SLC25A40: variants seen among roughly 807,000 people sequenced by gnomAD.
The protein encoded by SLC25A40 is solute carrier family 25 member 40.
Under a neutral mutation model 46.5 loss-of-function variants are expected in SLC25A40, and 41 were observed. The observed-to-expected ratio is 0.88, with a 90% confidence interval of 0.69 to 1.14. SLC25A40 has a LOEUF of 1.14. Ranked by LOEUF, SLC25A40 falls within the 50% of genes most tolerant of loss-of-function variation. The pLI is 0.00. For missense variants in SLC25A40, 386 were observed against 393.6 expected (o/e 0.98, Z 0.16); for synonymous variants, 126 against 127.5 (o/e 0.99, Z 0.08).
At chr7:87,844,308 A>AC (rs1838380510) in intron 8 of SLC25A40, among the ~76,000 whole-genome samples, 1 of 152,176 alleles carries the variant, frequency 6.6e-6, no homozygotes, top group African/African-American at 2.4e-5. Context: ...TACCATGTTA[A>AC]CAAAACCATG....
chr7:87,870,433 CTGA>C (rs1403438699), intron 1 of SLC25A40, among the ~76,000 whole-genome samples: 2 of 152,106 alleles, frequency 1.3e-5, no homozygotes, highest in Non-Finnish European at 2.9e-5. Flanking sequence ...CTAGCTTTAT[CTGA>C]TGATGATAGG....
intron 1 of SLC25A40, among the ~76,000 whole-genome samples, chr7:87,863,622 C>T (rs1838740955): frequency 6.6e-6 from 1 of 150,426 alleles, no homozygotes; most frequent in Non-Finnish European, 1.5e-5. Flanking sequence ...TTTGGGGGTA[C>T]ATGTGATAAT....
rs761209874 is a variant in SLC25A40 at position 87,847,876 on chromosome 7, A to G, written c.434T>C (p.Ile145Thr). Residue 145 changes from isoleucine to threonine, a missense_variant, in exon 7 of 12, where the codon ATT becomes ACT. Transcript: ENST00000341119. The stretch of plus-strand genomic sequence containing the variant: ...ACATCTGGCTACAATTCCAGCAACA[A>G]TTGGTATGCAGGTTTCATTTTCTCC... ...KLGENETCIP[I>T]VAGIVARFGA... 6.2e-7 allele frequency: 1 copy of G among 1,609,716 alleles called. No individual in the cohort carries two copies. The highest frequency in any genetic ancestry group is 1.7e-5 in the Admixed American group (1 of 59,276).
chr7:87,873,873 A>G (rs1034271488), intron 1 of SLC25A40, among the ~76,000 whole-genome samples: 1 of 152,192 alleles, frequency 6.6e-6, no homozygotes, highest in Non-Finnish European at 1.5e-5. Flanking sequence ...TTTGCCTAAT[A>G]TAACTCTTGA....
At chr7:87,850,170 T>C (rs1037462224) in intron 5 of SLC25A40, among the ~76,000 whole-genome samples, 40 of 152,166 alleles carry the variant, frequency 2.6e-4, no homozygotes, top group African/African-American at 9.4e-4. Context: ...GAAGTCTATA[T>C]TACTCAGCTC....
intron 8 of SLC25A40, among the ~76,000 whole-genome samples, chr7:87,844,378 G>C (rs1390130367): frequency 6.6e-6 from 1 of 151,918 alleles, no homozygotes; most frequent in East Asian, 1.9e-4. Flanking sequence ...TCATTTAAAA[G>C]AAACAAATTT....
intron 2 of SLC25A40, among the ~76,000 whole-genome samples, chr7:87,859,172 CG>C (rs1196202103): frequency 6.6e-6 from 1 of 151,976 alleles, no homozygotes; most frequent in African/African-American, 2.4e-5. Flanking sequence ...AAATAATCAC[CG>C]GCCAGGCGTG....
At chr7:87,843,167 A>ATTTTTGG (rs1215918528) in intron 9 of SLC25A40, among the ~76,000 whole-genome samples, 2 of 152,084 alleles carry the variant, frequency 1.3e-5, no homozygotes, top group African/African-American at 4.8e-5. Flanking sequence ...TGGGTATAAA[A>ATTTTTGG]AAAACTGCCA....
At chr7:87,857,196 T>G (rs1441688781) in intron 3 of SLC25A40, among the ~76,000 whole-genome samples, 1 of 152,348 alleles carries the variant, frequency 6.6e-6, no homozygotes, top group East Asian at 1.9e-4. Flanking sequence ...AAGTAAAGAT[T>G]ATTTGTAATT....
At chr7:87,846,369 A>G (rs1490209490) in intron 8 of SLC25A40, among the ~76,000 whole-genome samples, 1 of 152,178 alleles carries the variant, frequency 6.6e-6, no homozygotes, top group Admixed American at 6.5e-5. Context: ...AAAAACTTCT[A>G]TGATCCACAA....
chr7:87,845,039 T>C (rs1180680985), intron 8 of SLC25A40, among the ~76,000 whole-genome samples: 2 of 152,050 alleles, frequency 1.3e-5, no homozygotes, highest in Non-Finnish European at 2.9e-5. Flanking sequence ...ACTAGAGCCC[T>C]GTAGATAGAT....
chr7:87,851,144 A>G (rs1334176344), intron 5 of SLC25A40, among the ~76,000 whole-genome samples: 1 of 152,218 alleles, frequency 6.6e-6, no homozygotes, highest in Non-Finnish European at 1.5e-5. Context: ...ATGAATGTCC[A>G]TAGAATTAAT....
intron 5 of SLC25A40, among the ~76,000 whole-genome samples, chr7:87,852,654 T>C (rs539732093): frequency 2.0e-5 from 3 of 152,216 alleles, no homozygotes; most frequent in African/African-American, 7.2e-5. Context: ...ATTAGGACTG[T>C]GGTATTGACA....
At chr7:87,862,212 T>C (rs1838716085) in intron 1 of SLC25A40, among the ~76,000 whole-genome samples, 1 of 152,274 alleles carries the variant, frequency 6.6e-6, no homozygotes, top group East Asian at 1.9e-4. Flanking sequence ...TGTCCCTTTT[T>C]AGGGAGGACA....
At chr7:87,846,293 A>AT (rs1346387390) in intron 8 of SLC25A40, among the ~76,000 whole-genome samples, 1 of 152,154 alleles carries the variant, frequency 6.6e-6, no homozygotes, top group Non-Finnish European at 1.5e-5. Context: ...TGGTTTCATG[A>AT]TTTTTAAAAG....
chr7:87,866,325 A>AT lies in SLC25A40; in HGVS notation c.-93-5686dup, dbSNP rs201042398. ...TGGATACAGTATTCTTGGATGGCAG[A>AT]TTTTTTTTTTCATTCAGCCCTTTAA... On this transcript the variant is annotated intron_variant, in intron 1 of 11. Transcript: ENST00000341119. Among the ~76,000 whole-genome samples the AT allele has an allele frequency of 8.1e-3, 1,208 of 149,766 alleles. 20 individuals are homozygous for AT. The highest frequency in any genetic ancestry group is 0.026 in the African/African-American group (1,056 of 40,684).
At chr7:87,866,475 A>C (rs1329554090) in intron 1 of SLC25A40, among the ~76,000 whole-genome samples, 1 of 152,072 alleles carries the variant, frequency 6.6e-6, no homozygotes, top group Admixed American at 6.6e-5. Flanking sequence ...TCCTTTCTTT[A>C]TCCTTGCCCT....
At position 87,876,337 on chromosome 7, in the gene SLC25A40, G is replaced by A. The variant is rs1230198905; in HGVS notation, c.-335C>T. On this transcript the variant is annotated 5_prime_UTR_variant, in exon 1 of 12. Coordinates refer to ENST00000341119, the MANE Select transcript of SLC25A40 (RefSeq NM_018843.4). ...TAGAGGCGGAAACACAACCTGCAGG[G>A]CCAGAGCGAGGCGCGAGAAGGACGG... The A allele has an allele frequency of 1.1e-5, 2 of 181,070 alleles. No homozygotes were observed. Among genetic ancestry groups the A allele is most frequent in the Non-Finnish European group, 2.3e-5 (2 of 88,310 alleles). 11.2% of individuals were successfully genotyped at this position (181,070 alleles called of 1,614,324 possible). A position where few individuals can be genotyped will look rare whatever the true frequency, so the allele number is the denominator to read the frequency against.
rs1340914070 is a variant in SLC25A40 at position 87,847,090 on chromosome 7, A to G, written c.490T>C (p.Leu164=). 6.2e-7 allele frequency: 1 copy of G among 1,612,582 alleles called. No individual in the cohort carries two copies. The highest frequency in any genetic ancestry group is 1.1e-5 in the South Asian group (1 of 90,948). ...TTGGACTGCATCTTGGTTCTAATCA[A>G]TTCTAGTGGACTTATCACAGTTACT... is the stretch of plus-strand genomic sequence containing the variant. ...GAVTVISPLE[L]IRTKMQSKKF... The change falls in exon 8 of 12, where the codon TTG becomes CTG. Residue 164 remains leucine (L), a synonymous_variant. Transcript: ENST00000341119.
Sources: gnomAD v4.1 joint callset for allele counts (sites outside exome capture counted in the v4.1 genomes callset) on GRCh38, gnomAD v4.1.1 for gene constraint, MANE v1.5 for transcripts, NCBI Gene and HGNC (gene_info 2026-07-23, HGNC 2026-07-21) for gene names.